ELMOD1: variants seen among roughly 807,000 people sequenced by gnomAD.
ELMOD1 encodes the protein ELMO domain-containing protein 1.
ELMOD1 carries 21 observed loss-of-function variants against 46.7 expected under a neutral mutation model. That is an observed-to-expected ratio of 0.45 (90% CI 0.32 to 0.65). The LOEUF (loss-of-function observed/expected upper bound fraction) is 0.65, where lower values mean the gene tolerates loss of function less well. Among genes scored for constraint, ELMOD1 ranks in the 30% least tolerant of loss-of-function variants. ELMOD1 has a pLI of 0.04. For missense variants in ELMOD1, 348 were observed against 407.8 expected, an observed-to-expected ratio of 0.85 and a Z score of 1.26; for synonymous variants, 122 against 138.2, an observed-to-expected ratio of 0.88 and a Z score of 0.82.
intron 11 of ELMOD1, among the ~76,000 whole-genome samples, chr11:107,660,145 T>G (rs1453047484): frequency 6.6e-6 from 1 of 152,130 alleles, no homozygotes; most frequent in Non-Finnish European, 1.5e-5. Flanking sequence ...ACGTCTCCTG[T>G]GTAATATTCT....
At chr11:107,651,250 A>G (rs1396721147) in intron 9 of ELMOD1, among the ~76,000 whole-genome samples, 1 of 152,228 alleles carries the variant, frequency 6.6e-6, no homozygotes, top group Non-Finnish European at 1.5e-5. Flanking sequence ...TCTGTTGCAC[A>G]GAACAACTTT....
chr11:107,651,306 T>G (rs1025213192), intron 9 of ELMOD1, among the ~76,000 whole-genome samples: 1 of 152,104 alleles, frequency 6.6e-6, no homozygotes, highest in African/African-American at 2.4e-5. Flanking sequence ...AATGATAGTT[T>G]TGTGTGTGTG....
At chr11:107,619,714 C>T (rs918586347) in intron 2 of ELMOD1, among the ~76,000 whole-genome samples, 2 of 152,142 alleles carry the variant, frequency 1.3e-5, no homozygotes, top group African/African-American at 4.8e-5. Flanking sequence ...ACAAAGAGTA[C>T]ATTTTTAAAT....
At chr11:107,647,102 C>T (rs1254210667) in intron 6 of ELMOD1, among the ~76,000 whole-genome samples, 1 of 152,154 alleles carries the variant, frequency 6.6e-6, no homozygotes, top group African/African-American at 2.4e-5. Context: ...ACACATTATG[C>T]ATCCTTTGGA....
rs529971956 is a variant in ELMOD1 at position 107,648,358 on chromosome 11, T to C, written c.554+757T>C. ...TGGTCTGGATTTGTCTGTTTGCACT[T>C]GTATCCGTCCCCTGTATTTCCTGAA... On this transcript the variant is annotated intron_variant, in intron 7 of 11. Transcript: ENST00000265840. 2.3e-4 allele frequency among the ~76,000 whole-genome samples: 35 copies of C among 152,326 alleles called. No homozygotes were observed. In the East Asian group the frequency reaches 3.1e-3, roughly 13 times the overall value.
chr11:107,633,401 TA>T (rs1444712775), intron 5 of ELMOD1, among the ~76,000 whole-genome samples: 1 of 152,218 alleles, frequency 6.6e-6, no homozygotes, highest in Non-Finnish European at 1.5e-5. Context: ...ATGGTGGCAC[TA>T]AAAATTACGA....
chr11:107,608,333 A>G (rs1166601771), intron 1 of ELMOD1, among the ~76,000 whole-genome samples: 3 of 149,714 alleles, frequency 2.0e-5, no homozygotes, highest in Admixed American at 1.4e-4. Flanking sequence ...TTTACCAGCC[A>G]CTAGATATAT....
intron 1 of ELMOD1, among the ~76,000 whole-genome samples, chr11:107,597,015 A>G (rs1205906017): frequency 6.6e-6 from 1 of 152,230 alleles, no homozygotes; most frequent in Non-Finnish European, 1.5e-5. Flanking sequence ...ATGTAGTGTC[A>G]TAGCTGGGTT....
At chr11:107,626,795 T>C (rs1180416408) in intron 2 of ELMOD1, among the ~76,000 whole-genome samples, 2 of 152,184 alleles carry the variant, frequency 1.3e-5, no homozygotes, top group African/African-American at 4.8e-5. Flanking sequence ...TCATTTTTAT[T>C]GTTCTGCTTT....
At chr11:107,629,004 T>G (rs1315789953) in intron 2 of ELMOD1, among the ~76,000 whole-genome samples, 1 of 152,238 alleles carries the variant, frequency 6.6e-6, no homozygotes, top group Non-Finnish European at 1.5e-5. Context: ...GATATTTTCA[T>G]GTTATTAGAT....
chr11:107,661,394 A>G (rs1001631224), intron 11 of ELMOD1, among the ~76,000 whole-genome samples: 1 of 152,230 alleles, frequency 6.6e-6, no homozygotes, highest in African/African-American at 2.4e-5. Flanking sequence ...ATTTATGTAT[A>G]TTGCAGAAAA....
chr11:107,654,020 A>G (rs948942422), intron 9 of ELMOD1, 152 bp from the exon 10 acceptor site: 16 of 658,960 alleles, frequency 2.4e-5, no homozygotes, highest in African/African-American at 7.2e-5. Context: ...TCTGACCTCC[A>G]TATAAATTGT....
At chr11:107,627,192 C>T (rs117199383) in intron 2 of ELMOD1, among the ~76,000 whole-genome samples, 271 of 152,170 alleles carry the variant, frequency 1.8e-3, no homozygotes, top group Non-Finnish European at 2.5e-3. Flanking sequence ...CATGTTGGCC[C>T]ATTAGAAAAA....
intron 1 of ELMOD1, chr11:107,592,677 A>C: frequency 4.5e-6 from 1 of 223,510 alleles, no homozygotes; most frequent in South Asian, 6.6e-5. Flanking sequence ...TCTCATCTTA[A>C]TCTTTTTCAT....
At chr11:107,599,808 TCCA>T (rs1865565681) in intron 1 of ELMOD1, among the ~76,000 whole-genome samples, 1 of 148,040 alleles carries the variant, frequency 6.8e-6, no homozygotes, top group Non-Finnish European at 1.5e-5. Flanking sequence ...CTGGGGACTC[TCCA>T]GACTAGAGGA....
intron 6 of ELMOD1, among the ~76,000 whole-genome samples, chr11:107,636,051 G>A (rs939964581): frequency 3.9e-5 from 6 of 152,206 alleles, no homozygotes; most frequent in Non-Finnish European, 8.8e-5. Flanking sequence ...CTTAAGTTTA[G>A]TTTGTTTAAC....
chr11:107,610,235 A>G (rs954049898), intron 1 of ELMOD1, among the ~76,000 whole-genome samples: 1 of 152,228 alleles, frequency 6.6e-6, no homozygotes, highest in African/African-American at 2.4e-5. Context: ...GTCTTTGGGA[A>G]GGTTCAGCAC....
intron 1 of ELMOD1, among the ~76,000 whole-genome samples, chr11:107,607,025 T>A (rs1227786412): frequency 6.6e-6 from 1 of 152,234 alleles, no homozygotes; most frequent in African/African-American, 2.4e-5. Context: ...AATTATGATT[T>A]GTCAATTAAA....
chr11:107,609,571 G>A (rs960786227), intron 1 of ELMOD1, among the ~76,000 whole-genome samples: 16 of 152,162 alleles, frequency 1.1e-4, no homozygotes, highest in Non-Finnish European at 1.5e-4. Context: ...GGGTTACCCC[G>A]TAGCACTTTA....
Sources: gnomAD v4.1 joint callset for allele counts (sites outside exome capture counted in the v4.1 genomes callset) on GRCh38, gnomAD v4.1.1 for gene constraint, MANE v1.5 for transcripts, NCBI Gene and HGNC (gene_info 2026-07-23, HGNC 2026-07-21) for gene names.